The following SLC1A2 variants were observed in gnomAD, a reference collection of about 807,000 sequenced individuals.
SLC1A2 encodes solute carrier family 1 member 2, also known as excitatory amino acid transporter 2.
Under a neutral mutation model 48.8 loss-of-function variants are expected in SLC1A2, and 15 were observed. That is an observed-to-expected ratio of 0.31 (90% CI 0.21 to 0.47). The LOEUF (loss-of-function observed/expected upper bound fraction) is 0.47, where lower values mean the gene tolerates loss of function less well. Among genes scored for constraint, SLC1A2 ranks in the 20% least tolerant of loss-of-function variants. The pLI is 0.99. For synonymous variants in SLC1A2, 279 were observed against 272.6 expected, an observed-to-expected ratio of 1.02 and a Z score of -0.23; for missense variants, 502 against 730.5, an observed-to-expected ratio of 0.69 and a Z score of 3.61.
intron 3 of SLC1A2, 56 bp from the exon 4 acceptor site, chr11:35,312,504 T>C (rs139612209): frequency 5.7e-6 from 9 of 1,577,174 alleles, no homozygotes; most frequent in Non-Finnish European, 7.8e-6. Flanking sequence ...GCTAATGACC[T>C]GTGTCTACAT....
chr11:35,347,495 A>G (rs1853085253), intron 1 of SLC1A2, among the ~76,000 whole-genome samples: 1 of 152,252 alleles, frequency 6.6e-6, no homozygotes, highest in Non-Finnish European at 1.5e-5. Flanking sequence ...GAAGGATTCC[A>G]AGGCTGAATC....
intron 7 of SLC1A2, chr11:35,291,474 C>G (rs376527311): frequency 6.6e-6 from 1 of 152,168 alleles, no homozygotes; most frequent in East Asian, 1.9e-4. Flanking sequence ...GTTAGCCAGG[C>G]TGGCCTCGAA....
Position 35,419,132 on chromosome 11 carries a change from G to A in SLC1A2, c.-166C>T, listed in dbSNP as rs959459859. ...GGTAAGCCCTTTAGCGCCTCAACGG[G>A]CGCAGGAGGCTCCTGCGGGCGCTAA... On this transcript the variant is annotated 5_prime_UTR_variant, in exon 1 of 11. Transcript: ENST00000278379. The surrounding 1 kb of genome is among the most constrained non-coding windows in gnomAD (Gnocchi z 5.4). The A allele has an allele frequency of 1.9e-6, 1 of 520,764 alleles. No homozygotes were observed. The highest frequency in any genetic ancestry group is 3.5e-5 in the East Asian group (1 of 28,610). The allele number at this position is 520,764 out of a possible 1,614,324, so 32.3% of individuals were successfully genotyped here.
Position 35,284,087 on chromosome 11 carries a change from T to TTATATATATA in SLC1A2, c.1286+2660_1286+2669dup, listed in dbSNP as rs34252173. Among the ~76,000 whole-genome samples, 144 of 115,852 alleles carry TTATATATATA rather than the reference T, an allele frequency of 1.2e-3. No homozygotes were observed. The Middle Eastern group carries it at 0.014, about 11-fold the overall frequency. 76.0% of individuals were successfully genotyped at this position (115,852 alleles called of 152,430 possible). Reference sequence around the variant, plus strand: ...TCATAGGGTGGTTGTGAAGATTTTATTATATATATATATATATATATATAA... The same window carrying TTATATATATA: ...TCATAGGGTGGTTGTGAAGATTTTATTATATATATATATATATATATATATATATATATAA... On this transcript the variant is annotated intron_variant, in intron 8 of 10. Coordinates refer to ENST00000278379, the MANE Select transcript of SLC1A2 (RefSeq NM_004171.4).
At chr11:35,333,802 C>T (rs1852513679) in intron 1 of SLC1A2, among the ~76,000 whole-genome samples, 1 of 150,692 alleles carries the variant, frequency 6.6e-6, no homozygotes, top group African/African-American at 2.4e-5. Context: ...GCTGGGATGA[C>T]AGGCATGCAC....
At chr11:35,416,871 A>C (rs1590297904) in intron 1 of SLC1A2, among the ~76,000 whole-genome samples, 1 of 152,202 alleles carries the variant, frequency 6.6e-6, no homozygotes, top group Non-Finnish European at 1.5e-5. Flanking sequence ...TTACTAATAA[A>C]AATCCTTGAC....
intron 1 of SLC1A2, chr11:35,380,480 T>C (rs897353007): frequency 1.2e-4 from 49 of 398,362 alleles, no homozygotes; most frequent in Non-Finnish European, 1.9e-4. Flanking sequence ...TCCCAGCTAA[T>C]CTGTGCGACT....
chr11:35,274,262 A>G lies in SLC1A2; in HGVS notation c.1421+6605T>C, dbSNP rs1170180641. On this transcript the variant is annotated intron_variant, in intron 9 of 10. Coordinates refer to ENST00000278379, the MANE Select transcript of SLC1A2 (RefSeq NM_004171.4). ...CATTTATTTTGTGATATATCAAAAA[A>G]TGATTTTGCTGCGCAGAACTATAGC... is the stretch of plus-strand genomic sequence containing the variant. 5.3e-5 allele frequency among the ~76,000 whole-genome samples: 8 copies of G among 152,324 alleles called. No individual in the cohort carries two copies. In the East Asian group the frequency reaches 1.5e-3, roughly 29 times the overall value.
chr11:35,381,831 T>A (rs1253968655), intron 1 of SLC1A2, among the ~76,000 whole-genome samples: 2 of 152,214 alleles, frequency 1.3e-5, no homozygotes, highest in African/African-American at 4.8e-5. Flanking sequence ...TTTATTGTCT[T>A]TCCCAGAAAC....
chr11:35,406,710 G>A (rs149964706), intron 1 of SLC1A2, among the ~76,000 whole-genome samples: 1 of 152,166 alleles, frequency 6.6e-6, no homozygotes, highest in African/African-American at 2.4e-5. Context: ...TACTGAGATG[G>A]GGAAACTTGG....
intron 1 of SLC1A2, among the ~76,000 whole-genome samples, chr11:35,355,972 G>T (rs1343482824): frequency 6.6e-6 from 1 of 151,858 alleles, no homozygotes; most frequent in African/African-American, 2.4e-5. Context: ...TCATATGTAA[G>T]GCACAGCAGA....
chr11:35,391,901 C>A (rs1029554779), intron 1 of SLC1A2, among the ~76,000 whole-genome samples: 1 of 151,994 alleles, frequency 6.6e-6, no homozygotes, highest in Admixed American at 6.5e-5. Flanking sequence ...GAAAAAGGAG[C>A]GTAGGAAAGA....
chr11:35,389,207 C>A (rs952605683), intron 1 of SLC1A2, among the ~76,000 whole-genome samples: 1 of 151,966 alleles, frequency 6.6e-6, no homozygotes, highest in Admixed American at 6.5e-5. Context: ...AAAGCAATAC[C>A]TCTTTAACTT....
intron 9 of SLC1A2, among the ~76,000 whole-genome samples, chr11:35,268,271 A>T (rs963112757): frequency 5.9e-5 from 9 of 152,236 alleles, no homozygotes; most frequent in African/African-American, 2.2e-4. Context: ...TTGATCTCAT[A>T]ACCCAGAATA....
intron 1 of SLC1A2, chr11:35,391,703 T>C (rs376115722): frequency 2.0e-5 from 3 of 152,206 alleles, no homozygotes; most frequent in Non-Finnish European, 2.9e-5. Context: ...TAGGACAAAT[T>C]ACCTGCCTTC....
chr11:35,402,033 G>A (rs1855154415), intron 1 of SLC1A2, among the ~76,000 whole-genome samples: 2 of 151,576 alleles, frequency 1.3e-5, no homozygotes. Context: ...GAATGAATGA[G>A]TGGAAAGTCA....
chr11:35,340,524 CT>C (rs1852799664), intron 1 of SLC1A2, among the ~76,000 whole-genome samples: 1 of 152,236 alleles, frequency 6.6e-6, no homozygotes, highest in Non-Finnish European at 1.5e-5. Context: ...CTGTGTCTGG[CT>C]TTAAAGCCTA....
chr11:35,265,521 A>G lies in SLC1A2; in HGVS notation c.1653+6T>C. On this transcript the variant is annotated splice_donor_region_variant and intron_variant, in intron 10 of 10. Coordinates refer to ENST00000278379, the MANE Select transcript of SLC1A2 (RefSeq NM_004171.4). ...AAGTCTCGATATCCATGAATGGGAA[A>G]TGTACCTTGCATTCATCTACTATGA... The G allele has an allele frequency of 6.9e-7, 1 of 1,444,910 alleles. No homozygotes were observed. Among genetic ancestry groups the G allele is most frequent in the South Asian group, 1.1e-5 (1 of 87,552 alleles). The allele number at this position is 1,444,910 out of a possible 1,614,324, so 89.5% of individuals were successfully genotyped here.
intron 9 of SLC1A2, among the ~76,000 whole-genome samples, chr11:35,274,373 G>A (rs940467681): frequency 2.0e-5 from 3 of 152,188 alleles, no homozygotes; most frequent in Non-Finnish European, 4.4e-5. Flanking sequence ...AGTGGAAAAG[G>A]GGCCACATTC....
Sources: gnomAD v4.1 joint callset for allele counts (sites outside exome capture counted in the v4.1 genomes callset) on GRCh38, gnomAD v4.1.1 for gene constraint, Gnocchi (gnomAD v3.1) non-coding constraint, MANE v1.5 for transcripts, NCBI Gene and HGNC (gene_info 2026-07-23, HGNC 2026-07-21) for gene names.